Variants in NMT2 observed in about 807,000 individuals in gnomAD.
NMT2 encodes glycylpeptide N-tetradecanoyltransferase 2.
In NMT2, 35 loss-of-function variants were observed where a neutral mutation model predicts 65.4. That is an observed-to-expected ratio of 0.54 (90% CI 0.41 to 0.71). The LOEUF is 0.71. Among genes scored for constraint, NMT2 ranks in the 30% least tolerant of loss-of-function variants. NMT2 has a pLI of 0.00. For synonymous variants in NMT2, 226 were observed against 231.8 expected, an observed-to-expected ratio of 0.98 and a Z score of 0.23; for missense variants, 489 against 611.3, an observed-to-expected ratio of 0.80 and a Z score of 2.11.
intron 8 of NMT2, among the ~76,000 whole-genome samples, chr10:15,124,002 A>G (rs1161070074): frequency 1.3e-5 from 2 of 152,348 alleles, no homozygotes; most frequent in South Asian, 4.1e-4. Context: ...AAAAAGGAGC[A>G]AACAGAATGC....
intron 6 of NMT2, among the ~76,000 whole-genome samples, 180 bp downstream of exon 6, chr10:15,132,637 A>G (rs1385581684): frequency 6.6e-6 from 1 of 152,142 alleles, no homozygotes; most frequent in African/African-American, 2.4e-5. Flanking sequence ...CATGTTGACC[A>G]GGCTGGTCTT....
chr10:15,121,721 G>A (rs1845937393), intron 8 of NMT2, among the ~76,000 whole-genome samples: 1 of 152,104 alleles, frequency 6.6e-6, no homozygotes, highest in African/African-American at 2.4e-5. Flanking sequence ...TAGCTGTGCT[G>A]GGGTTTCTAA....
intron 2 of NMT2, 148 bp downstream of exon 2, chr10:15,141,274 G>A: frequency 9.3e-7 from 1 of 1,069,906 alleles, no homozygotes; most frequent in East Asian, 2.4e-5. Flanking sequence ...ATTTTAAGGA[G>A]GCTGTCAAGA....
chr10:15,128,562 C>T (rs543782582), intron 7 of NMT2, 104 bp from the exon 8 acceptor site: 19 of 711,628 alleles, frequency 2.7e-5, no homozygotes, highest in African/African-American at 5.3e-5. Flanking sequence ...TGAATACTTA[C>T]GTTGTACTAG....
At chr10:15,126,313 C>T (rs1846072302) in intron 8 of NMT2, among the ~76,000 whole-genome samples, 1 of 151,796 alleles carries the variant, frequency 6.6e-6, no homozygotes, top group Admixed American at 6.6e-5. Context: ...CCTGTAATCC[C>T]AGCTACTTGG....
intron 1 of NMT2, among the ~76,000 whole-genome samples, chr10:15,160,851 A>G (rs535518381): frequency 1.3e-3 from 198 of 152,154 alleles, no homozygotes; most frequent in African/African-American, 4.7e-3. Context: ...AACAACAGGG[A>G]AAAAATGCCA....
At chr10:15,122,419 C>T (rs911391545) in intron 8 of NMT2, among the ~76,000 whole-genome samples, 2 of 151,836 alleles carry the variant, frequency 1.3e-5, no homozygotes, top group Non-Finnish European at 2.9e-5. Context: ...GACCCTTTTA[C>T]ACTCTTTTTT....
At chr10:15,118,657 T>C (rs1442936064) in intron 9 of NMT2, among the ~76,000 whole-genome samples, 1 of 151,170 alleles carries the variant, frequency 6.6e-6, no homozygotes, top group Non-Finnish European at 1.5e-5. Context: ...GCTAACAGAT[T>C]GATGAGATAC....
intron 8 of NMT2, among the ~76,000 whole-genome samples, chr10:15,127,769 G>A (rs368427676): frequency 6.6e-6 from 1 of 151,358 alleles, no homozygotes; most frequent in South Asian, 2.1e-4. Flanking sequence ...CGGGTGTGGT[G>A]GCGGGTGCCT....
chr10:15,151,566 T>C (rs1832803418), intron 1 of NMT2, among the ~76,000 whole-genome samples: 1 of 152,258 alleles, frequency 6.6e-6, no homozygotes, highest in South Asian at 2.1e-4. Flanking sequence ...TTTTAAATGC[T>C]TTAAAAATTT....
chr10:15,127,935 C>T (rs897482529), intron 8 of NMT2, among the ~76,000 whole-genome samples: 6 of 151,824 alleles, frequency 4.0e-5, no homozygotes, highest in East Asian at 1.9e-4. Context: ...ACATTGAGAA[C>T]GAGATAGTTT....
At chr10:15,143,897 T>C (rs1468384650) in intron 1 of NMT2, among the ~76,000 whole-genome samples, 1 of 152,052 alleles carries the variant, frequency 6.6e-6, no homozygotes, top group Non-Finnish European at 1.5e-5. Context: ...AATAATAGTC[T>C]CTAAAACAGA....
chr10:15,106,822 C>A lies in NMT2; in HGVS notation c.*2373G>T. On this transcript the variant is annotated 3_prime_UTR_variant, in exon 12 of 12. Transcript: ENST00000378165. Reference sequence around the variant, plus strand: ...ATATGTAAATGAAAGTGGCTGTGGCCAAGAGTGGTGGCTCATGTCTATAAT... The same window carrying A: ...ATATGTAAATGAAAGTGGCTGTGGCAAAGAGTGGTGGCTCATGTCTATAAT... 5.1e-6 allele frequency: 1 copy of A among 195,986 alleles called. No individual in the cohort carries two copies. Among genetic ancestry groups the A allele is most frequent in the Non-Finnish European group, 9.2e-6 (1 of 108,206 alleles). 12.1% of individuals were successfully genotyped at this position (195,986 alleles called of 1,614,324 possible).
At chr10:15,113,642 A>G (rs983276251) in intron 9 of NMT2, among the ~76,000 whole-genome samples, 7 of 152,084 alleles carry the variant, frequency 4.6e-5, no homozygotes, top group Non-Finnish European at 8.8e-5. Context: ...GCCTTCTCCA[A>G]CTAAAAGATA....
rs763349726 is a variant in NMT2, at chr10:15,168,616, G to C, written c.-4C>G. On this transcript the variant is annotated 5_prime_UTR_variant, in exon 1 of 12. Transcript: ENST00000378165. ...CAGACTCGCTGTCCTCCGCCATCGC[G>C]GCGGCGCTGGCTGGGGAGGCGGTGC... The C allele has an allele frequency of 1.9e-6, 3 of 1,574,106 alleles. No individual in the cohort carries two copies. The highest frequency in any genetic ancestry group is 2.6e-6 in the Non-Finnish European group (3 of 1,166,858).
downstream of NMT2, among the ~76,000 whole-genome samples, chr10:15,105,726 A>G (rs1178245540): frequency 6.6e-6 from 1 of 152,234 alleles, no homozygotes; most frequent in East Asian, 1.9e-4. Flanking sequence ...CATTATAGAC[A>G]AAGTACAGTA....
chr10:15,167,628 T>C (rs867256901), intron 1 of NMT2, among the ~76,000 whole-genome samples: 18 of 152,194 alleles, frequency 1.2e-4, no homozygotes, highest in African/African-American at 4.1e-4. Flanking sequence ...CCAGTTTTTA[T>C]TTAAAATGAC....
At chr10:15,133,760 ATT>A (rs199582967) in intron 3 of NMT2, among the ~76,000 whole-genome samples, 30 of 151,752 alleles carry the variant, frequency 2.0e-4, no homozygotes, top group African/African-American at 7.3e-4. Context: ...CTAATTGTAA[ATT>A]TTTTTTGTAG....
intron 7 of NMT2, 151 bp from the exon 8 acceptor site, chr10:15,128,609 C>A: frequency 1.7e-6 from 1 of 604,932 alleles, no homozygotes; most frequent in East Asian, 2.8e-5. Context: ...TTTTATCCGT[C>A]CAGTTTTAAT....
Sources: gnomAD v4.1 joint callset for allele counts (sites outside exome capture counted in the v4.1 genomes callset) on GRCh38, gnomAD v4.1.1 for gene constraint, MANE v1.5 for transcripts, NCBI Gene and HGNC (gene_info 2026-07-23, HGNC 2026-07-21) for gene names.